The following PHF3 variants were observed in gnomAD, a reference collection of about 807,000 sequenced individuals.
PHF3 encodes the protein PHD finger protein 3.
A neutral mutation model predicts 178.4 loss-of-function variants in PHF3; 41 were observed. The ratio of observed to expected loss-of-function variants is 0.23; its 90% CI spans 0.18 to 0.30. The LOEUF is 0.30. Ranked by LOEUF, PHF3 falls within the 10% of genes least tolerant of loss-of-function variation. The probability of loss-of-function intolerance (pLI) is 1.00; values close to 1 mark genes in which losing one functional copy is unlikely to be tolerated. For missense variants in PHF3, 2,346 were observed against 2,398.1 expected (o/e 0.98, Z 0.45); for synonymous variants, 842 against 800.5 (o/e 1.05, Z -0.88).
Position 63,721,686 on chromosome 6 carries a change from G to A in PHF3, c.*7978G>A, listed in dbSNP as rs2149625486. Reference sequence around the variant, plus strand: ...TCTTCCTGCTTTTATTATATGCCAAGTACTTCCGTTTATAGTTACTTTTTG... The same window carrying A: ...TCTTCCTGCTTTTATTATATGCCAAATACTTCCGTTTATAGTTACTTTTTG... On this transcript the variant is annotated 3_prime_UTR_variant, in exon 16 of 16. Coordinates refer to ENST00000262043, the MANE Select transcript of PHF3 (RefSeq NM_001370348.2). The A allele has an allele frequency of 1.9e-6, 3 of 1,551,340 alleles. No individual in the cohort carries two copies. Among genetic ancestry groups the A allele is most frequent in the South Asian group, 1.2e-5 (1 of 84,058 alleles).
intron 3 of PHF3, among the ~76,000 whole-genome samples, chr6:63,683,298 G>T (rs1418120709): frequency 3.3e-5 from 5 of 151,748 alleles, no homozygotes; most frequent in African/African-American, 1.2e-4. Context: ...TTTGTGGGTT[G>T]TTTTTGTACT....
chr6:63,681,824 C>T (rs1031161191), intron 3 of PHF3, among the ~76,000 whole-genome samples: 2 of 152,040 alleles, frequency 1.3e-5, no homozygotes, highest in Non-Finnish European at 2.9e-5. Context: ...GATTATTGCT[C>T]ATGTTTAAGG....
At chr6:63,659,571 C>A (rs988531331) in intron 2 of PHF3, among the ~76,000 whole-genome samples, 2 of 152,122 alleles carry the variant, frequency 1.3e-5, no homozygotes, top group African/African-American at 2.4e-5. Flanking sequence ...TAAATCTTCA[C>A]GAAAACCTTA....
intron 1 of PHF3, among the ~76,000 whole-genome samples, chr6:63,643,164 T>C (rs1443000906): frequency 1.3e-5 from 2 of 152,124 alleles, no homozygotes; most frequent in Admixed American, 1.3e-4. Flanking sequence ...TAATCCAGGG[T>C]ACCACATTGT....
At position 63,700,402 on chromosome 6, in the gene PHF3, G is replaced by T; in HGVS notation, c.3035G>T (p.Arg1012Ile). Residue 1012 changes from arginine to isoleucine, a missense_variant, in exon 9 of 16, where the codon AGA (arginine) becomes ATA (isoleucine). Transcript: ENST00000262043. ...KGEVTPDHLI[R>I]MSPEELASKE... ...GAAGTAACTCCTGATCATCTTATCA[G>T]AATGAGTCCAGAAGAACTAGCTTCT... 1 of 1,604,124 alleles carries T rather than the reference G, an allele frequency of 6.2e-7. No individual in the cohort carries two copies. The highest frequency in any genetic ancestry group is 1.1e-5 in the South Asian group (1 of 90,178).
chr6:63,686,191 C>T, intron 4 of PHF3: 1 of 345,244 alleles, frequency 2.9e-6, no homozygotes. Context: ...GTAATTTAGC[C>T]ACTGCATCTG....
In PHF3 at chr6:63,702,654, G is replaced by C. The variant is rs866035517; in HGVS notation, c.3231+15G>C. Reference sequence around the variant, plus strand: ...TGGAGATTCAGGTAAGGATAGATATGCCATGTTTTATAGCTCAAAACATGA... The same window carrying C: ...TGGAGATTCAGGTAAGGATAGATATCCCATGTTTTATAGCTCAAAACATGA... On this transcript the variant is annotated intron_variant, in intron 10 of 15. Transcript: ENST00000262043. The C allele has an allele frequency of 6.3e-7, 1 of 1,597,860 alleles. No homozygotes were observed. The highest frequency in any genetic ancestry group is 1.7e-4 in the Middle Eastern group (1 of 5,976).
chr6:63,654,231 G>T (rs1029088925), intron 2 of PHF3, among the ~76,000 whole-genome samples: 3 of 152,274 alleles, frequency 2.0e-5, no homozygotes, highest in African/African-American at 7.2e-5. Flanking sequence ...CTGCAGTGAA[G>T]ACTGGGTCCT....
At chr6:63,682,307 A>G (rs560731796) in intron 3 of PHF3, among the ~76,000 whole-genome samples, 2 of 152,224 alleles carry the variant, frequency 1.3e-5, no homozygotes, top group Admixed American at 1.3e-4. Flanking sequence ...ATCTGGGACC[A>G]CCAAGTCTTA....
rs930573492 is a variant in PHF3 at position 63,713,740 on chromosome 6, A to G, written c.*32A>G. 25 of 1,469,618 alleles carry G rather than the reference A, an allele frequency of 1.7e-5. No homozygotes were observed. Among genetic ancestry groups the G allele is most frequent in the Non-Finnish European group, 2.1e-5 (23 of 1,097,432 alleles). 91.0% of individuals were successfully genotyped at this position (1,469,618 alleles called of 1,614,324 possible). On this transcript the variant is annotated 3_prime_UTR_variant, in exon 16 of 16. Coordinates refer to ENST00000262043, the MANE Select transcript of PHF3 (RefSeq NM_001370348.2). ...CAGGCTGCTTCAGGATTACATTTAA[A>G]TAACTGTTAAAATGTTGTATCTTGT...
chr6:63,674,001 G>A (rs1471344314), intron 2 of PHF3, among the ~76,000 whole-genome samples: 6 of 152,186 alleles, frequency 3.9e-5, no homozygotes, highest in East Asian at 3.9e-4. Context: ...CTGGGCAGCC[G>A]AATTCGTTGC....
chr6:63,705,109 C>T (rs1561980540), intron 11 of PHF3, among the ~76,000 whole-genome samples: 1 of 152,152 alleles, frequency 6.6e-6, no homozygotes, highest in Non-Finnish European at 1.5e-5. Flanking sequence ...TAGTCATGAG[C>T]TGTTGCTATA....
At position 63,642,974 on chromosome 6, in the gene PHF3, A is replaced by G. The variant is rs568286521; in HGVS notation, c.-25-3553A>G. Among the ~76,000 whole-genome samples, 3 of 152,214 alleles carry G rather than the reference A, an allele frequency of 2.0e-5. No homozygotes were observed. The East Asian group carries it at 5.8e-4, about 29-fold the overall frequency. On this transcript the variant is annotated intron_variant, in intron 1 of 15. Transcript: ENST00000262043. ...TATAGAAAAGTTGCAAAGGGTGTGT[A>G]GTGTTTGTATATACTCTTATCTAGT...
chr6:63,684,206 T>C lies in PHF3; in HGVS notation c.484T>C (p.Ser162Pro). 4.3e-6 allele frequency: 7 copies of C among 1,613,912 alleles called. No homozygotes were observed. The highest frequency in any genetic ancestry group is 1.1e-5 in the South Asian group (1 of 91,074). Residue 162 changes from serine to proline, a missense_variant, in exon 4 of 16, where the codon TCT becomes CCT. Around this residue, in one of 8 missense-constraint regions of PHF3, gnomAD observed 843 missense variants for 795.2 expected, o/e 1.06. Transcript: ENST00000262043. ...ACCATTAAGTAACACAAAAAAAGCA[T>C]CTGGGAAGACTGTATCTACTGCTAA... ...AAPLSNTKKA[S>P]GKTVSTAKAG...
chr6:63,711,883 C>T lies in PHF3; in HGVS notation c.4295C>T (p.Thr1432Ile), dbSNP rs990740634. ...GCAGTTGAACCTTTAATGGAAGTCA[C>T]CAAACAGGAGCCACCAAAACCTTTA... ...PTAVEPLMEV[T>I]KQEPPKPLRF... Residue 1432 changes from threonine to isoleucine, a missense_variant, in exon 16 of 16, where the codon ACC (threonine) becomes ATC (isoleucine). Thr to Ile is a moderately conservative substitution (Grantham distance 89). This residue lies in a region of PHF3 where 839 missense variants were observed against 806.9 expected (regional missense o/e 1.04). Coordinates refer to ENST00000262043, the MANE Select transcript of PHF3 (RefSeq NM_001370348.2). The T allele has an allele frequency of 1.2e-6, 2 of 1,614,018 alleles. No homozygotes were observed. The highest frequency in any genetic ancestry group is 1.7e-6 in the Non-Finnish European group (2 of 1,179,938).
chr6:63,683,389 A>G (rs1326655386), intron 3 of PHF3, among the ~76,000 whole-genome samples: 4 of 152,038 alleles, frequency 2.6e-5, no homozygotes, highest in Admixed American at 2.6e-4. Context: ...GGGGGGATGT[A>G]TCAGAATAGG....
intron 1 of PHF3, among the ~76,000 whole-genome samples, chr6:63,641,418 C>G (rs1307010830): frequency 6.6e-6 from 1 of 152,054 alleles, no homozygotes; most frequent in African/African-American, 2.4e-5. Context: ...ACACCACCCC[C>G]CTACACACAC....
intron 2 of PHF3, among the ~76,000 whole-genome samples, chr6:63,665,688 C>G (rs931851550): frequency 6.6e-6 from 1 of 151,932 alleles, no homozygotes; most frequent in African/African-American, 2.4e-5. Context: ...GGGGCTTCAT[C>G]ATGTTGGCCA....
Position 63,692,054 on chromosome 6 carries a change from C to A in PHF3, c.2496+11C>A. 6.4e-7 allele frequency: 1 copy of A among 1,570,106 alleles called. No homozygotes were observed. Among genetic ancestry groups the A allele is most frequent in the South Asian group, 1.2e-5 (1 of 85,032 alleles). On this transcript the variant is annotated intron_variant, in intron 5 of 15. Transcript: ENST00000262043. ...AAAATTTTAAAACGGGTGAGCTCTT[C>A]ATTAATGCATTATTTTGTTTATTTA...
Sources: allele counts gnomAD v4.1 joint callset (sites outside exome capture counted in the v4.1 genomes callset), GRCh38; gene constraint gnomAD v4.1.1; regional missense constraint gnomAD v4.1.1; transcripts MANE v1.5; gene names NCBI Gene and HGNC (gene_info 2026-07-23, HGNC 2026-07-21).